WDPCP: variants seen among roughly 807,000 people sequenced by gnomAD.
The protein encoded by WDPCP is WD repeat containing planar cell polarity effector.
In WDPCP, 71 loss-of-function variants were observed where a neutral mutation model predicts 93.1. The ratio of observed to expected loss-of-function variants is 0.76; its 90% CI spans 0.63 to 0.93. The LOEUF is 0.93. WDPCP is among the 40% of genes least tolerant of loss of function. The pLI is 0.00. For synonymous variants in WDPCP, 315 were observed against 315.0 expected (o/e 1.00, Z 0.00); for missense variants, 844 against 887.4 (o/e 0.95, Z 0.62).
intron 10 of WDPCP, among the ~76,000 whole-genome samples, chr2:63,386,759 C>T (rs1382997611): frequency 5.9e-5 from 9 of 151,662 alleles, no homozygotes; most frequent in East Asian, 3.9e-4. Context: ...AATCTGTTAG[C>T]GAAAATCTGG....
At chr2:63,673,795 ACTT>A (rs1558881041) in intron 2 of WDPCP, among the ~76,000 whole-genome samples, 1 of 152,116 alleles carries the variant, frequency 6.6e-6, no homozygotes, top group African/African-American at 2.4e-5. Flanking sequence ...CCCTATAAAA[ACTT>A]CTTCCCCAAA....
chr2:63,549,178 A>G (rs1371407929), intron 1 of WDPCP, among the ~76,000 whole-genome samples: 1 of 140,736 alleles, frequency 7.1e-6, no homozygotes, highest in Non-Finnish European at 1.5e-5. Context: ...TGAACCTGGG[A>G]GGCGGAGGCT....
intron 10 of WDPCP, among the ~76,000 whole-genome samples, chr2:63,396,732 G>A (rs1693758412): frequency 6.6e-6 from 1 of 152,000 alleles, no homozygotes; most frequent in African/African-American, 2.4e-5. Flanking sequence ...CATATCATGG[G>A]GGCCTGTTGA....
intron 2 of WDPCP, among the ~76,000 whole-genome samples, chr2:63,701,174 C>T (rs946975828): frequency 2.0e-5 from 3 of 151,960 alleles, no homozygotes; most frequent in African/African-American, 7.3e-5. Flanking sequence ...ACAAATAATA[C>T]AATTTAAAAA....
intron 9 of WDPCP, among the ~76,000 whole-genome samples, chr2:63,433,211 C>T (rs546761446): frequency 1.3e-5 from 2 of 152,288 alleles, no homozygotes; most frequent in Non-Finnish European, 1.5e-5. Context: ...GCGCCAAATG[C>T]GGTCTGGCAC....
chr2:63,415,989 TATTG>T (rs1166568919), intron 9 of WDPCP, among the ~76,000 whole-genome samples: 2 of 152,216 alleles, frequency 1.3e-5, no homozygotes, highest in East Asian at 3.8e-4. Flanking sequence ...TTCATTCTTT[TATTG>T]ATTGATTTGT....
At chr2:63,388,473 A>C (rs1692932243) in intron 10 of WDPCP, among the ~76,000 whole-genome samples, 1 of 152,216 alleles carries the variant, frequency 6.6e-6, no homozygotes, top group African/African-American at 2.4e-5. Context: ...AAATTCTAAA[A>C]ACCAGAGCGC....
At chr2:63,589,222 T>A, upstream of WDPCP, 5 of 1,568,774 alleles carry the variant, frequency 3.2e-6, no homozygotes, top group South Asian at 5.8e-5. Flanking sequence ...TGGGAAGGGA[T>A]TGATTTCCAC....
intron 2 of WDPCP, among the ~76,000 whole-genome samples, chr2:63,785,505 T>C (rs1670454374): frequency 6.6e-6 from 1 of 152,218 alleles, no homozygotes; most frequent in African/African-American, 2.4e-5. Flanking sequence ...TCTGCTTTAA[T>C]ATTTATAAAG....
chr2:63,230,092 C>T lies in WDPCP; in HGVS notation c.1915+29215G>A, dbSNP rs577833725. On this transcript the variant is annotated intron_variant, in intron 14 of 17. Transcript: ENST00000272321. The stretch of plus-strand genomic sequence containing the variant: ...TAATGCTATCCATCCTCCCTCCCCC[C>T]ACCCCACAACAGGCCCTGGTGTGTG... 3.1e-5 allele frequency among the ~76,000 whole-genome samples: 4 copies of T among 128,466 alleles called. No homozygotes were observed. In the South Asian group the frequency reaches 1.2e-3, roughly 40 times the overall value. 84.3% of individuals were successfully genotyped at this position (128,466 alleles called of 152,430 possible).
chr2:63,238,314 A>G (rs908571755), intron 14 of WDPCP, among the ~76,000 whole-genome samples: 7 of 152,172 alleles, frequency 4.6e-5, no homozygotes, highest in Non-Finnish European at 1.0e-4. Context: ...GCAGTTTCCA[A>G]TATGGTAGAC....
chr2:63,550,230 CACACACA>C (rs529676303), intron 1 of WDPCP, among the ~76,000 whole-genome samples: 9 of 148,294 alleles, frequency 6.1e-5, no homozygotes, highest in African/African-American at 1.0e-4. Context: ...CACACACACA[CACACACA>C]CACCCTTCCT....
At chr2:63,250,986 G>C (rs1003062059) in intron 14 of WDPCP, among the ~76,000 whole-genome samples, 4 of 152,054 alleles carry the variant, frequency 2.6e-5, no homozygotes, top group Admixed American at 2.0e-4. Flanking sequence ...TCTCTCCAAA[G>C]TTTATAGAAC....
intron 14 of WDPCP, among the ~76,000 whole-genome samples, chr2:63,179,078 G>A (rs1390756142): frequency 6.6e-6 from 1 of 151,872 alleles, no homozygotes; most frequent in Non-Finnish European, 1.5e-5. Flanking sequence ...GCTCATGCCT[G>A]TAGTTGCAGT....
intron 4 of WDPCP, 133 bp from the exon 5 acceptor site, chr2:63,485,120 CA>C (rs1700492814): frequency 3.5e-6 from 3 of 865,904 alleles, no homozygotes; most frequent in Non-Finnish European, 5.5e-6. Flanking sequence ...TTTCCATCAT[CA>C]AATGACAGCC....
At chr2:63,722,466 T>C in intron 2 of WDPCP, among the ~76,000 whole-genome samples, 1 of 142,202 alleles carries the variant, frequency 7.0e-6, no homozygotes, top group South Asian at 2.3e-4. Context: ...CCGCCCCGTC[T>C]GAGAAGTGAG....
At chr2:63,352,254 G>C (rs1168503540) in intron 12 of WDPCP, among the ~76,000 whole-genome samples, 1 of 152,034 alleles carries the variant, frequency 6.6e-6, no homozygotes, top group Non-Finnish European at 1.5e-5. Flanking sequence ...CTTTTGCTGT[G>C]CAGAAGCTCT....
At chr2:63,607,202 C>G (rs1358697707) in intron 3 of WDPCP, 1 of 308,658 alleles carries the variant, frequency 3.2e-6, no homozygotes, top group Non-Finnish European at 5.9e-6. Flanking sequence ...ATGAAAGTGA[C>G]TCAGACTCTG....
chr2:63,465,640 GA>G (rs1415721309), intron 6 of WDPCP, among the ~76,000 whole-genome samples: 1 of 152,128 alleles, frequency 6.6e-6, no homozygotes, highest in Admixed American at 6.6e-5. Context: ...GAGATTGAAA[GA>G]AAAAGATTTT....
Sources: gnomAD v4.1 joint callset for allele counts (sites outside exome capture counted in the v4.1 genomes callset) on GRCh38, gnomAD v4.1.1 for gene constraint, MANE v1.5 for transcripts, NCBI Gene and HGNC (gene_info 2026-07-23, HGNC 2026-07-21) for gene names.